Variants in PDE11A observed in about 807,000 individuals in gnomAD.
PDE11A encodes dual 3',5'-cyclic-AMP and -GMP phosphodiesterase 11A.
PDE11A carries 100 observed loss-of-function variants against 100.5 expected under a neutral mutation model. That is an observed-to-expected ratio of 1.00 (90% CI 0.85 to 1.18). The LOEUF (loss-of-function observed/expected upper bound fraction) is 1.18, where lower values mean the gene tolerates loss of function less well. PDE11A is among the 50% of genes most tolerant of loss of function. PDE11A has a pLI of 0.00. For missense variants in PDE11A, 1,141 were observed against 1,152.6 expected (o/e 0.99, Z 0.15); for synonymous variants, 381 against 420.8 (o/e 0.91, Z 1.16).
chr2:177,860,884 T>C (rs182885873), intron 5 of PDE11A, among the ~76,000 whole-genome samples: 64 of 151,808 alleles, frequency 4.2e-4, no homozygotes, highest in Non-Finnish European at 7.1e-4. Flanking sequence ...AAATCCAACA[T>C]GCTTTCATGC....
intron 2 of PDE11A, among the ~76,000 whole-genome samples, chr2:177,919,922 C>T (rs1281610080): frequency 6.6e-6 from 1 of 152,040 alleles, no homozygotes; most frequent in Non-Finnish European, 1.5e-5. Flanking sequence ...ACAGAATAAT[C>T]ATGCAACTTA....
At chr2:177,667,244 A>G (rs2080603126) in intron 18 of PDE11A, among the ~76,000 whole-genome samples, 1 of 152,142 alleles carries the variant, frequency 6.6e-6, no homozygotes, top group African/African-American at 2.4e-5. Flanking sequence ...AGCTCAATTC[A>G]ACATCTCTGG....
chr2:178,025,626 A>T (rs1256676902), intron 1 of PDE11A, among the ~76,000 whole-genome samples: 1 of 152,204 alleles, frequency 6.6e-6, no homozygotes, highest in Non-Finnish European at 1.5e-5. Context: ...AGCGCAACTG[A>T]CGTAGTAAAA....
intron 2 of PDE11A, among the ~76,000 whole-genome samples, chr2:177,933,545 A>G (rs10176232): frequency 0.086 from 13,134 of 151,958 alleles, 538 homozygotes; most frequent in South Asian, 0.1. Flanking sequence ...GCTGGGCATG[A>G]TGGCTTGCAC....
chr2:177,662,605 A>T (rs2080500165), intron 19 of PDE11A, among the ~76,000 whole-genome samples: 1 of 152,154 alleles, frequency 6.6e-6, no homozygotes, highest in South Asian at 2.1e-4. Flanking sequence ...AGAGTTGAGG[A>T]TCCCCTTAAA....
intron 19 of PDE11A, among the ~76,000 whole-genome samples, chr2:177,647,380 A>G (rs536759253): frequency 1.2e-4 from 19 of 152,212 alleles, no homozygotes; most frequent in Non-Finnish European, 1.5e-4. Flanking sequence ...AGAATTGCCA[A>G]TATCTGTCCT....
intron 6 of PDE11A, 70 bp downstream of exon 6, chr2:177,840,181 T>C: frequency 2.0e-5 from 30 of 1,487,302 alleles, no homozygotes; most frequent in Non-Finnish European, 2.7e-5. Flanking sequence ...GTATTCCTTT[T>C]TGTGTTTCAA....
intron 2 of PDE11A, among the ~76,000 whole-genome samples, chr2:178,002,486 G>T (rs1852497): frequency 0.51 from 76,726 of 151,912 alleles, 20,128 homozygotes; most frequent in East Asian, 0.71. Flanking sequence ...TTTGGGAAAT[G>T]AGATCTGCTT....
intron 2 of PDE11A, among the ~76,000 whole-genome samples, chr2:177,996,120 G>A (rs1171567968): frequency 6.6e-6 from 1 of 151,964 alleles, no homozygotes; most frequent in East Asian, 1.9e-4. Flanking sequence ...CCAGCTACTT[G>A]GGAGGCAGAG....
At chr2:178,056,919 A>G (rs1271916284) in intron 1 of PDE11A, among the ~76,000 whole-genome samples, 4 of 152,106 alleles carry the variant, frequency 2.6e-5, no homozygotes, top group South Asian at 2.1e-4. Flanking sequence ...GGAGAAGGGG[A>G]AAAATGGGGC....
intron 10 of PDE11A, among the ~76,000 whole-genome samples, chr2:177,740,756 T>A (rs1277535756): frequency 6.6e-6 from 1 of 152,266 alleles, no homozygotes; most frequent in Non-Finnish European, 1.5e-5. Flanking sequence ...TTAAAAAACT[T>A]ATTTATTTTT....
At chr2:177,796,725 C>G (rs1256480733) in intron 9 of PDE11A, among the ~76,000 whole-genome samples, 1 of 152,110 alleles carries the variant, frequency 6.6e-6, no homozygotes, top group African/African-American at 2.4e-5. Flanking sequence ...CTTACTTGGC[C>G]AACTATAAAC....
intron 15 of PDE11A, among the ~76,000 whole-genome samples, chr2:177,682,727 A>G (rs573477520): frequency 1.3e-4 from 20 of 149,034 alleles, no homozygotes; most frequent in Middle Eastern, 3.6e-3. Context: ...CCATGTGAAG[A>G]TGTTCCTGCC....
chr2:178,081,846 C>T (rs565275054), intron 2 of PDE11A, among the ~76,000 whole-genome samples: 1 of 152,290 alleles, frequency 6.6e-6, no homozygotes, highest in African/African-American at 2.4e-5. Flanking sequence ...CAAAGGTTTC[C>T]TCACAAAAGG....
chr2:177,669,940 T>C (rs898357661), intron 17 of PDE11A, among the ~76,000 whole-genome samples: 1 of 152,248 alleles, frequency 6.6e-6, no homozygotes, highest in African/African-American at 2.4e-5. Flanking sequence ...TATGTAATGA[T>C]AGTTTAGCCA....
In PDE11A at chr2:177,635,925, T is replaced by A. The variant is rs183887401; in HGVS notation, c.2647-6363A>T. Among the ~76,000 whole-genome samples the A allele has an allele frequency of 9.8e-4, 148 of 151,788 alleles. 3 individuals are homozygous for A. The highest frequency in any genetic ancestry group is 3.5e-3 in the African/African-American group (145 of 41,368). ...ATTTGTTTAACCAGTTCCTTTTTGA[T>A]GGAACCCAAACATTGTTTATATTTG... On this transcript the variant is annotated intron_variant, in intron 19 of 19. Coordinates refer to ENST00000286063, the MANE Select transcript of PDE11A (RefSeq NM_016953.4).
intron 12 of PDE11A, among the ~76,000 whole-genome samples, chr2:177,727,002 A>T (rs999367186): frequency 1.3e-5 from 2 of 152,152 alleles, no homozygotes; most frequent in Non-Finnish European, 2.9e-5. Context: ...TGCCAGAAGA[A>T]GTAAATAGAG....
chr2:177,788,895 C>T (rs1206811786), intron 9 of PDE11A, among the ~76,000 whole-genome samples: 1 of 152,030 alleles, frequency 6.6e-6, no homozygotes, highest in Non-Finnish European at 1.5e-5. Flanking sequence ...TGGCAATAAT[C>T]AATAGCTTAC....
rs1009066979 is a variant in PDE11A at position 177,997,599 on chromosome 2, A to T, written c.1071+16703T>A. ...CCTGTTTCACCTGGAGAGCTAAGTG[A>T]AGTTGTCTGATATAAACTTGCAGGC... On this transcript the variant is annotated intron_variant, in intron 2 of 19. Transcript: ENST00000286063. 3.0e-6 allele frequency: 3 copies of T among 1,011,946 alleles called. No homozygotes were observed. The Admixed American group carries it at 5.1e-5, about 17-fold the overall frequency. The allele number at this position is 1,011,946 out of a possible 1,614,324, so 62.7% of individuals were successfully genotyped here.
Sources: gnomAD v4.1 joint callset for allele counts (sites outside exome capture counted in the v4.1 genomes callset) on GRCh38, gnomAD v4.1.1 for gene constraint, MANE v1.5 for transcripts, NCBI Gene and HGNC (gene_info 2026-07-23, HGNC 2026-07-21) for gene names.